Variants in GRID2 observed in about 807,000 individuals in gnomAD.
GRID2 encodes the protein glutamate ionotropic receptor delta type subunit 2, also known as glutamate receptor ionotropic, delta-2.
In GRID2, 33 loss-of-function variants were observed where a neutral mutation model predicts 114.8. That is an observed-to-expected ratio of 0.29 (90% confidence interval 0.22 to 0.38). The LOEUF is 0.38. GRID2 is among the 10% of genes least tolerant of loss of function. The pLI is 1.00. For missense variants in GRID2, 1,184 were observed against 1,257.7 expected (o/e 0.94, Z 0.89); for synonymous variants, 505 against 449.9 (o/e 1.12, Z -1.55).
intron 2 of GRID2, among the ~76,000 whole-genome samples, chr4:92,666,040 A>G (rs1252778218): frequency 2.0e-5 from 3 of 151,292 alleles, no homozygotes; most frequent in Admixed American, 1.3e-4. Flanking sequence ...GGAGACTACT[A>G]TAATGTGTAT....
intron 9 of GRID2, among the ~76,000 whole-genome samples, chr4:93,410,645 A>G (rs1326837755): frequency 6.6e-6 from 1 of 152,232 alleles, no homozygotes; most frequent in East Asian, 1.9e-4. Flanking sequence ...GAGCAATGGC[A>G]TGATCTAGGC....
intron 2 of GRID2, among the ~76,000 whole-genome samples, chr4:92,878,666 TTTTTC>T (rs1745794259): frequency 6.6e-6 from 1 of 152,160 alleles, no homozygotes; most frequent in South Asian, 2.1e-4. Context: ...GAATCACACT[TTTTTC>T]TTTTTATATT....
At chr4:93,656,829 CAAAAAAAAAAAAAA>C (rs61508444) in intron 14 of GRID2, among the ~76,000 whole-genome samples, 7 of 31,902 alleles carry the variant, frequency 2.2e-4, no homozygotes, top group African/African-American at 7.6e-4. Flanking sequence ...GACTCTGCCT[CAAAAAAAAAAAAAA>C]AAAAAAAAAA....
chr4:92,868,600 G>A (rs1235013497), intron 2 of GRID2, among the ~76,000 whole-genome samples: 2 of 152,052 alleles, frequency 1.3e-5, no homozygotes, highest in African/African-American at 2.4e-5. Context: ...CATTATTTGT[G>A]ACTAGTTTCT....
At chr4:93,659,595 T>A (rs1480824863) in intron 14 of GRID2, among the ~76,000 whole-genome samples, 1 of 152,172 alleles carries the variant, frequency 6.6e-6, no homozygotes, top group African/African-American at 2.4e-5. Context: ...CTTTTTTAGA[T>A]TTTTTAGATT....
At chr4:92,334,751 G>T (rs1190394211) in intron 1 of GRID2, among the ~76,000 whole-genome samples, 2 of 152,124 alleles carry the variant, frequency 1.3e-5, no homozygotes, top group Non-Finnish European at 2.9e-5. Flanking sequence ...AATTTTGGGG[G>T]ACACATTCAA....
chr4:92,899,766 A>T (rs769172238), intron 2 of GRID2, among the ~76,000 whole-genome samples: 24 of 152,238 alleles, frequency 1.6e-4, no homozygotes, highest in Admixed American at 4.6e-4. Context: ...GAAACAAAGG[A>T]TATCTCTACT....
chr4:92,940,315 T>A (rs1296420769), intron 2 of GRID2, among the ~76,000 whole-genome samples: 4 of 146,978 alleles, frequency 2.7e-5, no homozygotes, highest in Non-Finnish European at 6.0e-5. Flanking sequence ...GGTATTTTAT[T>A]CTCTTTGAAG....
chr4:92,674,851 T>A (rs2149278977), intron 2 of GRID2, among the ~76,000 whole-genome samples: 1 of 152,328 alleles, frequency 6.6e-6, no homozygotes, highest in East Asian at 1.9e-4. Flanking sequence ...TTATTGTAAA[T>A]TCTCAAACAT....
At chr4:93,626,549 A>T in intron 14 of GRID2, 114 bp downstream of exon 14, 1 of 632,494 alleles carries the variant, frequency 1.6e-6, no homozygotes, top group Non-Finnish European at 2.8e-6. Context: ...GAGAAGCACA[A>T]TAAACAACAA....
chr4:93,218,562 C>A (rs1744504861), intron 6 of GRID2, among the ~76,000 whole-genome samples: 1 of 152,104 alleles, frequency 6.6e-6, no homozygotes, highest in African/African-American at 2.4e-5. Context: ...GTACTCATAA[C>A]GTGCTTCTCT....
intron 1 of GRID2, among the ~76,000 whole-genome samples, chr4:92,340,052 C>A (rs966119429): frequency 6.6e-6 from 1 of 151,726 alleles, no homozygotes; most frequent in African/African-American, 2.4e-5. Flanking sequence ...CAAAGTAAAC[C>A]AAAAATATCC....
chr4:93,386,553 A>G (rs1764332086), intron 8 of GRID2, among the ~76,000 whole-genome samples: 1 of 152,102 alleles, frequency 6.6e-6, no homozygotes, highest in Non-Finnish European at 1.5e-5. Flanking sequence ...CTTTTATTCC[A>G]CTTACTGTGA....
At chr4:92,656,768 A>C (rs1365083102) in intron 2 of GRID2, among the ~76,000 whole-genome samples, 1 of 151,776 alleles carries the variant, frequency 6.6e-6, no homozygotes, top group South Asian at 2.1e-4. Context: ...TCTTGAGAGA[A>C]TATTAACATG....
chr4:93,619,099 T>C (rs889390552), intron 13 of GRID2, among the ~76,000 whole-genome samples: 4 of 152,212 alleles, frequency 2.6e-5, no homozygotes, highest in African/African-American at 9.6e-5. Context: ...TTTTTGAAAG[T>C]TTGTGCCCTA....
intron 1 of GRID2, among the ~76,000 whole-genome samples, chr4:92,417,637 C>T (rs544578578): frequency 6.6e-6 from 1 of 152,112 alleles, no homozygotes; most frequent in East Asian, 1.9e-4. Flanking sequence ...ATATTACATG[C>T]CATTGTGGAG....
intron 8 of GRID2, among the ~76,000 whole-genome samples, chr4:93,356,979 A>AT (rs1761396926): frequency 6.6e-6 from 1 of 151,628 alleles, no homozygotes; most frequent in Admixed American, 6.6e-5. Context: ...GTTGATTTTA[A>AT]TTTTTTCACT....
chr4:92,934,786 G>T (rs1468299766), intron 2 of GRID2, among the ~76,000 whole-genome samples: 1 of 147,000 alleles, frequency 6.8e-6, no homozygotes, highest in East Asian at 2.2e-4. Context: ...AAGCAGTGGG[G>T]AAAGGATTCC....
At chr4:93,052,218 A>G (rs1040814816) in intron 2 of GRID2, among the ~76,000 whole-genome samples, 1 of 151,994 alleles carries the variant, frequency 6.6e-6, no homozygotes, top group Non-Finnish European at 1.5e-5. Context: ...GATGGAACTT[A>G]TATCAGATTG....
Sources: allele counts gnomAD v4.1 joint callset (sites outside exome capture counted in the v4.1 genomes callset), GRCh38; gene constraint gnomAD v4.1.1; transcripts MANE v1.5; gene names NCBI Gene and HGNC (gene_info 2026-07-23, HGNC 2026-07-21).